ADGRB3: variants seen among roughly 807,000 people sequenced by gnomAD.
ADGRB3 encodes brain-specific angiogenesis inhibitor 3.
A neutral mutation model predicts 193.4 loss-of-function variants in ADGRB3; 37 were observed. The observed-to-expected ratio is 0.19, with a 90% CI of 0.15 to 0.25. ADGRB3 has a LOEUF of 0.25. Ranked by LOEUF, ADGRB3 falls within the 10% of genes least tolerant of loss-of-function variation. The probability of loss-of-function intolerance (pLI) is 1.00; values close to 1 mark genes in which losing one functional copy is unlikely to be tolerated. For synonymous variants in ADGRB3, 690 were observed against 644.2 expected (o/e 1.07, Z -1.08); for missense variants, 1,637 against 1,852.9 (o/e 0.88, Z 2.14).
intron 3 of ADGRB3, among the ~76,000 whole-genome samples, chr6:68,859,912 G>C (rs1449653175): frequency 1.3e-5 from 2 of 152,000 alleles, no homozygotes; most frequent in Non-Finnish European, 2.9e-5. Flanking sequence ...TCTATTAATA[G>C]AAATGCAATT....
chr6:69,350,216 G>A lies in ADGRB3; in HGVS notation c.3460-4017G>A, dbSNP rs142941613. Reference sequence around the variant, plus strand: ...AGCCAGTCAAAATAACTTTGGAAGTGCATGGTTAGATTCTTTTCAGGAGAC... The same window carrying A: ...AGCCAGTCAAAATAACTTTGGAAGTACATGGTTAGATTCTTTTCAGGAGAC... On this transcript the variant is annotated intron_variant, in intron 26 of 31. Coordinates refer to ENST00000370598, the MANE Select transcript of ADGRB3 (RefSeq NM_001704.3). Among the ~76,000 whole-genome samples, 154 of 152,096 alleles carry A rather than the reference G, an allele frequency of 1.0e-3. 2 individuals are homozygous for A. The East Asian group carries it at 0.023, about 23-fold the overall frequency.
intron 3 of ADGRB3, among the ~76,000 whole-genome samples, chr6:68,746,560 T>C (rs1184055876): frequency 6.6e-6 from 1 of 152,112 alleles, no homozygotes; most frequent in Admixed American, 6.6e-5. Flanking sequence ...ACTTGTGACA[T>C]GGCTGTTCTC....
At chr6:68,647,483 A>G (rs1000726463) in intron 3 of ADGRB3, among the ~76,000 whole-genome samples, 1 of 152,190 alleles carries the variant, frequency 6.6e-6, no homozygotes, top group African/African-American at 2.4e-5. Flanking sequence ...AATGATTTAG[A>G]GTGCCACTTA....
chr6:69,387,513 C>T (rs2127244255), intron 31 of ADGRB3, among the ~76,000 whole-genome samples: 1 of 152,188 alleles, frequency 6.6e-6, no homozygotes, highest in East Asian at 1.9e-4. Flanking sequence ...CTGAAAACAT[C>T]TAATGCATTA....
intron 3 of ADGRB3, among the ~76,000 whole-genome samples, chr6:68,693,285 C>T (rs142653513): frequency 1.7e-3 from 261 of 151,820 alleles, no homozygotes; most frequent in East Asian, 7.4e-3. Flanking sequence ...CCTATTTTGA[C>T]GGGTGGGAAA....
At chr6:69,275,644 T>A (rs896975550) in intron 20 of ADGRB3, among the ~76,000 whole-genome samples, 1 of 152,008 alleles carries the variant, frequency 6.6e-6, no homozygotes, top group Admixed American at 6.6e-5. Context: ...AATTCAATGA[T>A]CTGTTATTGC....
intron 3 of ADGRB3, among the ~76,000 whole-genome samples, chr6:68,658,483 TAA>T (rs1341538815): frequency 1.3e-5 from 2 of 151,284 alleles, no homozygotes; most frequent in Non-Finnish European, 3.0e-5. Context: ...GTATCCTCAC[TAA>T]TAAAAGGACT....
chr6:69,282,591 G>GT (rs1190071002), intron 20 of ADGRB3, among the ~76,000 whole-genome samples: 1 of 152,050 alleles, frequency 6.6e-6, no homozygotes, highest in African/African-American at 2.4e-5. Flanking sequence ...TGTTTCGTTT[G>GT]TTTTTTTATT....
chr6:68,769,173 G>T (rs1455831670), intron 3 of ADGRB3, among the ~76,000 whole-genome samples: 1 of 152,188 alleles, frequency 6.6e-6, no homozygotes, highest in Non-Finnish European at 1.5e-5. Context: ...ATTTGAACCA[G>T]CAGTCCCATC....
At chr6:69,378,309 A>G (rs1438219843) in intron 30 of ADGRB3, among the ~76,000 whole-genome samples, 1 of 152,080 alleles carries the variant, frequency 6.6e-6, no homozygotes, top group African/African-American at 2.4e-5. Flanking sequence ...AAAAGACATA[A>G]TTACAAACCT....
At chr6:69,295,193 T>G (rs1189663723) in intron 20 of ADGRB3, among the ~76,000 whole-genome samples, 1 of 152,192 alleles carries the variant, frequency 6.6e-6, no homozygotes, top group Non-Finnish European at 1.5e-5. Flanking sequence ...AATCCATATC[T>G]AATATATAAA....
chr6:69,196,366 C>A (rs188641225), intron 17 of ADGRB3, among the ~76,000 whole-genome samples: 153 of 152,130 alleles, frequency 1.0e-3, no homozygotes, highest in African/African-American at 3.6e-3. Flanking sequence ...TAACAAAGTA[C>A]CACGGTTTGC....
intron 3 of ADGRB3, among the ~76,000 whole-genome samples, chr6:68,883,532 G>A (rs1765799824): frequency 6.6e-6 from 1 of 152,152 alleles, no homozygotes; most frequent in Non-Finnish European, 1.5e-5. Flanking sequence ...TCACCACAAA[G>A]GTCTGCAGCT....
chr6:68,899,619 A>G (rs939340568), intron 3 of ADGRB3, among the ~76,000 whole-genome samples: 9 of 151,990 alleles, frequency 5.9e-5, no homozygotes, highest in South Asian at 2.1e-4. Context: ...AAAGACATGA[A>G]CTCATCATTT....
intron 3 of ADGRB3, among the ~76,000 whole-genome samples, chr6:68,662,059 A>G (rs895753394): frequency 5.3e-5 from 8 of 151,610 alleles, no homozygotes; most frequent in South Asian, 4.1e-4. Context: ...GAATTTGCAA[A>G]GGGGAGCTGG....
chr6:69,015,017 GA>G (rs898024682), intron 12 of ADGRB3, among the ~76,000 whole-genome samples: 19 of 149,704 alleles, frequency 1.3e-4, no homozygotes, highest in African/African-American at 2.0e-4. Context: ...GACATAGCCA[GA>G]AAAAAAAACC....
intron 10 of ADGRB3, among the ~76,000 whole-genome samples, chr6:68,982,150 C>A (rs547863365): frequency 1.3e-5 from 2 of 152,068 alleles, no homozygotes; most frequent in Non-Finnish European, 2.9e-5. Flanking sequence ...TCCCAAAGTA[C>A]ATTTATAACT....
chr6:69,011,665 G>A (rs1463020038), intron 11 of ADGRB3, among the ~76,000 whole-genome samples: 1 of 152,030 alleles, frequency 6.6e-6, no homozygotes, highest in Admixed American at 6.6e-5. Context: ...AAAAGAAAGA[G>A]AAGCTGAGAT....
chr6:69,258,223 G>GA (rs1766825642), intron 20 of ADGRB3, among the ~76,000 whole-genome samples: 1 of 152,190 alleles, frequency 6.6e-6, no homozygotes, highest in African/African-American at 2.4e-5. Context: ...GAGATTAGAG[G>GA]AAATCTAGCA....
Sources: allele counts gnomAD v4.1 joint callset (sites outside exome capture counted in the v4.1 genomes callset), GRCh38; gene constraint gnomAD v4.1.1; transcripts MANE v1.5; gene names NCBI Gene and HGNC (gene_info 2026-07-23, HGNC 2026-07-21).